The following DOCK10 variants were observed in gnomAD, a reference collection of about 807,000 sequenced individuals.
DOCK10 encodes dedicator of cytokinesis protein 10.
In DOCK10, 145 loss-of-function variants were observed where a neutral mutation model predicts 280.1. The observed-to-expected ratio is 0.52, with a 90% CI of 0.45 to 0.59. The LOEUF (loss-of-function observed/expected upper bound fraction) is 0.59. DOCK10 is among the 20% of genes least tolerant of loss of function. The probability of loss-of-function intolerance (pLI) is 0.00; values close to 1 mark genes in which losing one functional copy is unlikely to be tolerated. For synonymous variants in DOCK10, 915 were observed against 942.2 expected, an observed-to-expected ratio of 0.97 and a Z score of 0.53; for missense variants, 2,368 against 2,651.7, an observed-to-expected ratio of 0.89 and a Z score of 2.35.
intron 1 of DOCK10, among the ~76,000 whole-genome samples, chr2:224,941,186 A>G (rs998752823): frequency 1.3e-5 from 2 of 151,402 alleles, no homozygotes; most frequent in Non-Finnish European, 2.9e-5. Flanking sequence ...CTGGAAAAGA[A>G]CATTACTGCT....
intron 27 of DOCK10, among the ~76,000 whole-genome samples, chr2:224,824,429 CTTTTTTTTTTTT>C (rs869275800): frequency 6.6e-4 from 42 of 63,594 alleles, no homozygotes; most frequent in African/African-American, 2.7e-3. Context: ...TCAGACTCTG[CTTTTTTTTTTTT>C]TTTTTTTTTT....
chr2:224,971,322 G>T (rs1039976735), intron 1 of DOCK10, among the ~76,000 whole-genome samples: 8 of 152,066 alleles, frequency 5.3e-5, no homozygotes, highest in Non-Finnish European at 1.2e-4. Context: ...TGCAAGAGGG[G>T]AGGGGAGGTG....
At chr2:224,918,869 AGT>A (rs756815201) in intron 2 of DOCK10, among the ~76,000 whole-genome samples, 1 of 107,846 alleles carries the variant, frequency 9.3e-6, no homozygotes, top group African/African-American at 3.6e-5. Flanking sequence ...GGCGTGTGTG[AGT>A]GTGTGTATAT....
At chr2:224,984,026 CT>C (rs1705886910) in intron 1 of DOCK10, among the ~76,000 whole-genome samples, 1 of 152,190 alleles carries the variant, frequency 6.6e-6, no homozygotes, top group Non-Finnish European at 1.5e-5. Context: ...GCAGAGTGGG[CT>C]CCTCTGTTTG....
chr2:224,960,865 G>A lies in DOCK10; in HGVS notation c.124-29197C>T, dbSNP rs562865248. On this transcript the variant is annotated intron_variant, in intron 1 of 55. Transcript: ENST00000258390. ...CGCCATTCTCCTGTCTCAGCCTCCC[G>A]TGTAGCTGGGACTACAGGCGCGCGC... 5.1e-4 allele frequency among the ~76,000 whole-genome samples: 73 copies of A among 144,010 alleles called. 1 individual carries two copies. Among genetic ancestry groups the A allele is most frequent in the African/African-American group, 1.5e-3 (60 of 39,184 alleles). The allele number at this position is 144,010 out of a possible 152,430, so 94.5% of individuals were successfully genotyped here.
At chr2:225,023,574 G>A (rs927751322) in intron 1 of DOCK10, among the ~76,000 whole-genome samples, 5 of 152,230 alleles carry the variant, frequency 3.3e-5, no homozygotes, top group Middle Eastern at 3.4e-3. Context: ...TCAAGGATGT[G>A]GTAGAAAGGA....
chr2:224,953,734 G>A (rs911297783), intron 1 of DOCK10, among the ~76,000 whole-genome samples: 1 of 152,154 alleles, frequency 6.6e-6, no homozygotes, highest in Admixed American at 6.6e-5. Context: ...TAAAATAGTG[G>A]TTTTTTAAAA....
chr2:224,785,910 G>A (rs1470131988), intron 50 of DOCK10, among the ~76,000 whole-genome samples: 4 of 152,176 alleles, frequency 2.6e-5, no homozygotes, highest in Admixed American at 2.0e-4. Flanking sequence ...AGAACAAGAA[G>A]CTGAGGCCGG....
intron 2 of DOCK10, among the ~76,000 whole-genome samples, chr2:224,917,801 A>C (rs972104053): frequency 1.3e-5 from 2 of 152,168 alleles, no homozygotes; most frequent in Non-Finnish European, 2.9e-5. Flanking sequence ...AGCACAGGAG[A>C]ATGAAATGCC....
chr2:224,909,619 G>T (rs1700886283), intron 3 of DOCK10, among the ~76,000 whole-genome samples: 1 of 152,158 alleles, frequency 6.6e-6, no homozygotes. Context: ...TTATGTCAAA[G>T]ATAGCAAAGC....
At chr2:224,809,989 C>CAAAAA (rs376029378) in intron 31 of DOCK10, among the ~76,000 whole-genome samples, 7 of 115,318 alleles carry the variant, frequency 6.1e-5, no homozygotes, top group Non-Finnish European at 8.6e-5. Flanking sequence ...TATTCAGCCT[C>CAAAAA]AAAAAAAAAA....
intron 7 of DOCK10, among the ~76,000 whole-genome samples, chr2:224,879,512 C>T (rs920931349): frequency 4.6e-5 from 7 of 152,178 alleles, no homozygotes; most frequent in African/African-American, 1.7e-4. Flanking sequence ...AATCCCAGCG[C>T]TTTAGGAGGC....
At chr2:224,794,648 A>T (rs1195478541) in intron 45 of DOCK10, among the ~76,000 whole-genome samples, 1 of 152,160 alleles carries the variant, frequency 6.6e-6, no homozygotes, top group Admixed American at 6.5e-5. Context: ...TACAATTTCT[A>T]CACCTGCAGT....
intron 1 of DOCK10, among the ~76,000 whole-genome samples, chr2:225,040,339 GC>G (rs1425485062): frequency 3.3e-5 from 5 of 152,168 alleles, no homozygotes; most frequent in Non-Finnish European, 1.5e-5. Flanking sequence ...AAATGTCTTG[GC>G]AAAAGCTAGT....
At position 224,837,794 on chromosome 2, in the gene DOCK10, G is replaced by A; in HGVS notation, c.2818C>T (p.Gln940Ter). The change falls in exon 25 of 56, where the codon CAG becomes TAG. Residue 940 changes from glutamine (Q) to a stop codon, truncating the protein, a stop_gained. Coordinates refer to ENST00000258390, the MANE Select transcript of DOCK10 (RefSeq NM_014689.3). LOFTEE classifies it high-confidence loss of function. ...TDIVAKCHEE[Q>*]LDHSVQSYIK... ...TATGACTGGACAGAATGATCCAGCT[G>A]CTCCTCATGGCACTTGGCCACAATG... The A allele has an allele frequency of 6.2e-7, 1 of 1,613,916 alleles. No individual in the cohort carries two copies. The highest frequency in any genetic ancestry group is 8.5e-7 in the Non-Finnish European group (1 of 1,179,870).
intron 22 of DOCK10, among the ~76,000 whole-genome samples, chr2:224,842,639 T>C (rs528887657): frequency 6.6e-6 from 1 of 152,280 alleles, no homozygotes; most frequent in East Asian, 1.9e-4. Flanking sequence ...TAGCTCTTTT[T>C]TGACTAGAGA....
At chr2:225,020,434 C>G (rs1411449896) in intron 1 of DOCK10, among the ~76,000 whole-genome samples, 1 of 152,126 alleles carries the variant, frequency 6.6e-6, no homozygotes, top group African/African-American at 2.4e-5. Context: ...TGTTTTCTGC[C>G]AAACTTAACC....
At chr2:225,038,150 C>T (rs1690315940) in intron 1 of DOCK10, among the ~76,000 whole-genome samples, 1 of 152,152 alleles carries the variant, frequency 6.6e-6, no homozygotes, top group African/African-American at 2.4e-5. Context: ...AACAACCAGG[C>T]CCTTATATTG....
intron 3 of DOCK10, among the ~76,000 whole-genome samples, chr2:224,905,234 ATTTTTTTTTTTT>A (rs201582173): frequency 1.3e-4 from 14 of 111,538 alleles, no homozygotes; most frequent in Non-Finnish European, 2.3e-4. Context: ...CTATGGAACT[ATTTTTTTTTTTT>A]TTTTTTTTTT....
Sources: allele counts gnomAD v4.1 joint callset (sites outside exome capture counted in the v4.1 genomes callset), GRCh38; gene constraint gnomAD v4.1.1; transcripts MANE v1.5; gene names NCBI Gene and HGNC (gene_info 2026-07-23, HGNC 2026-07-21).